The following STRIP1 variants were observed in gnomAD, a reference collection of about 807,000 sequenced individuals.
STRIP1 encodes striatin-interacting protein 1.
In STRIP1, 63 loss-of-function variants were observed where a neutral mutation model predicts 106.2. That is an observed-to-expected ratio of 0.59 (90% CI 0.48 to 0.73). The LOEUF is 0.73. Ranked by LOEUF, STRIP1 falls within the 30% of genes least tolerant of loss-of-function variation. The pLI, the probability that STRIP1 is intolerant of heterozygous loss-of-function variation, is 0.00. For synonymous variants in STRIP1, 390 were observed against 413.0 expected (o/e 0.94, Z 0.67); for missense variants, 857 against 1,074.8 (o/e 0.80, Z 2.83).
intron 10 of STRIP1, among the ~76,000 whole-genome samples, chr1:110,044,283 G>A (rs1444278399): frequency 6.6e-6 from 1 of 152,214 alleles, no homozygotes; most frequent in Non-Finnish European, 1.5e-5. Context: ...GGATGGGACG[G>A]TACCTGGAGA....
chr1:110,034,707 C>T lies in STRIP1; in HGVS notation c.70C>T (p.Pro24Ser), dbSNP rs1017945615. The T allele has an allele frequency of 4.6e-6, 7 of 1,510,708 alleles. No homozygotes were observed. In the South Asian group the frequency reaches 6.2e-5, roughly 13 times the overall value. 93.6% of individuals were successfully genotyped at this position (1,510,708 alleles called of 1,614,324 possible). A position where few individuals can be genotyped will look rare whatever the true frequency, so the allele number is the denominator to read the frequency against. ...NNKQPQPPPPPPPAAAQPPPG... is the reference protein window; with the variant it reads ...NNKQPQPPPPSPPAAAQPPPG... ...CAAACAGCCCCAGCCCCCGCCACCT[C>T]CGCCGCCGGCAGCCGCACAGCCACC... Residue 24 changes from proline (P) to serine (S), a missense_variant, in exon 1 of 21, where the codon CCG becomes TCG. Coordinates refer to ENST00000369795, the MANE Select transcript of STRIP1 (RefSeq NM_033088.4).
At chr1:110,037,104 G>A (rs1303536859) in intron 1 of STRIP1, among the ~76,000 whole-genome samples, 1 of 152,122 alleles carries the variant, frequency 6.6e-6, no homozygotes, top group Non-Finnish European at 1.5e-5. Context: ...CAAAGTGCTG[G>A]GATTATAGGC....
chr1:110,053,925 G>T lies in STRIP1; in HGVS notation c.*13G>T. On this transcript the variant is annotated 3_prime_UTR_variant, in exon 21 of 21. Transcript: ENST00000369795. ...GCTGCTGCAGTGAGGCTGTTGGTTA[G>T]GGGACTGAAATGGAGAGAAAAGATG... 1 of 1,613,770 alleles carries T rather than the reference G, an allele frequency of 6.2e-7. No individual in the cohort carries two copies. Among genetic ancestry groups the T allele is most frequent in the South Asian group, 1.1e-5 (1 of 91,032 alleles).
intron 17 of STRIP1, 110 bp from the exon 18 acceptor site, chr1:110,050,233 C>T: frequency 9.9e-7 from 1 of 1,007,624 alleles, no homozygotes; most frequent in Admixed American, 1.9e-5. Context: ...ATTCCTACTT[C>T]TGCTCCAACA....
chr1:110,046,738 C>G lies in STRIP1; in HGVS notation c.1475C>G (p.Ser492Cys). 2 of 1,612,274 alleles carry G rather than the reference C, an allele frequency of 1.2e-6. No individual in the cohort carries two copies. The highest frequency in any genetic ancestry group is 1.1e-5 in the South Asian group (1 of 91,052). The change falls in exon 13 of 21, where the codon TCC becomes TGC. Residue 492 changes from serine to cysteine, a missense_variant. By Grantham distance (112) the Ser-to-Cys change is moderately radical. Around this residue, in one of 2 missense-constraint regions of STRIP1, gnomAD observed 750 missense variants for 989.8 expected, o/e 0.76. Coordinates refer to ENST00000369795, the MANE Select transcript of STRIP1 (RefSeq NM_033088.4). The part of the protein sequence containing the change: ...QAQMEEEYLR[S>C]PLSGGEEEVE... ...CAGATGGAGGAGGAATACCTCCGCTCCCCTCTCTCAGGGGTAAGTTGGAGG... is the reference window on the plus strand; with the variant it reads ...CAGATGGAGGAGGAATACCTCCGCTGCCCTCTCTCAGGGGTAAGTTGGAGG...
chr1:110,041,525 C>G lies in STRIP1; in HGVS notation c.651-11C>G, dbSNP rs1019124130. On this transcript the variant is annotated splice_polypyrimidine_tract_variant and intron_variant, in intron 6 of 20. Coordinates refer to ENST00000369795, the MANE Select transcript of STRIP1 (RefSeq NM_033088.4). Reference sequence around the variant, plus strand: ...CATCCCACTCCATTGTGAGCTGGCTCTTGTCCTCAGGGTCCTGCTCAACAT... The same window carrying G: ...CATCCCACTCCATTGTGAGCTGGCTGTTGTCCTCAGGGTCCTGCTCAACAT... The G allele has an allele frequency of 5.0e-6, 8 of 1,610,546 alleles. No individual in the cohort carries two copies. The East Asian group carries it at 1.8e-4, about 36-fold the overall frequency.
chr1:110,046,427 G>T (rs1024676303), intron 12 of STRIP1, among the ~76,000 whole-genome samples: 5 of 152,208 alleles, frequency 3.3e-5, no homozygotes, highest in Non-Finnish European at 7.3e-5. Flanking sequence ...TTGAACCTGG[G>T]AGGCGGAGGT....
At chr1:110,040,173 GTTTTTT>G (rs767268210) in intron 5 of STRIP1, among the ~76,000 whole-genome samples, 12 of 151,644 alleles carry the variant, frequency 7.9e-5, no homozygotes, top group South Asian at 2.1e-4. Flanking sequence ...TTGTTTTTGT[GTTTTTT>G]TTGTTTTTGT....
intron 18 of STRIP1, 111 bp downstream of exon 18, chr1:110,050,520 C>T: frequency 9.7e-7 from 1 of 1,027,928 alleles, no homozygotes. Context: ...GGTGAAATCA[C>T]TGTGGAGTGC....
chr1:110,034,682 C>G lies in STRIP1; in HGVS notation c.45C>G (p.Asn15Lys). The stretch of plus-strand genomic sequence containing the variant: ...GTCCGGGCCCACTGATCGTGAACAA[C>G]AAACAGCCCCAGCCCCCGCCACCTC... Reference protein sequence around the residue: ...VGGPGPLIVNNKQPQPPPPPP... With the variant: ...VGGPGPLIVNKKQPQPPPPPP... Residue 15 changes from asparagine (N) to lysine (K), a missense_variant, in exon 1 of 21, where the codon AAC (asparagine) becomes AAG (lysine). By Grantham distance (94) the Asn-to-Lys change is moderately conservative. This residue lies in a region of STRIP1 where 107 missense variants were observed against 85.1 expected (regional missense o/e 1.26). Transcript: ENST00000369795. The G allele has an allele frequency of 6.6e-7, 1 of 1,524,148 alleles. No homozygotes were observed. Among genetic ancestry groups the G allele is most frequent in the Non-Finnish European group, 8.8e-7 (1 of 1,137,004 alleles). 94.4% of individuals were successfully genotyped at this position (1,524,148 alleles called of 1,614,324 possible). A position where few individuals can be genotyped will look rare whatever the true frequency, so the allele number is the denominator to read the frequency against.
rs748324484 is a variant in STRIP1 at position 110,041,498 on chromosome 1, C to CCG, written c.651-37_651-36insGC. On this transcript the variant is annotated intron_variant, in intron 6 of 20. Transcript: ENST00000369795. The stretch of plus-strand genomic sequence containing the variant: ...GACACTAGGGTGCTCCTTTGACCCC[C>CCG]CCATCCCACTCCATTGTGAGCTGGC... The CCG allele has an allele frequency of 3.3e-6, 5 of 1,527,712 alleles. No homozygotes were observed. In the African/African-American group the frequency reaches 6.8e-5, roughly 21 times the overall value. The allele number at this position is 1,527,712 out of a possible 1,614,324, so 94.6% of individuals were successfully genotyped here.
chr1:110,049,372 CAG>C, intron 16 of STRIP1, 86 bp from the exon 17 acceptor site: 1 of 1,541,336 alleles, frequency 6.5e-7, no homozygotes, highest in South Asian at 1.1e-5. Context: ...CATGGCCCTT[CAG>C]CCAAGGCCTT....
intron 10 of STRIP1, 90 bp from the exon 11 acceptor site, chr1:110,044,750 C>A (rs1475267077): frequency 1.6e-6 from 2 of 1,278,234 alleles, no homozygotes; most frequent in Non-Finnish European, 2.2e-6. Flanking sequence ...TTCACAGTTT[C>A]TGGATGCTGT....
intron 16 of STRIP1, 69 bp from the exon 17 acceptor site, chr1:110,049,391 C>T: frequency 1.3e-6 from 2 of 1,542,786 alleles, no homozygotes; most frequent in Non-Finnish European, 8.8e-7. Flanking sequence ...CCTTTCATCC[C>T]TGGAGGAAAG....
At chr1:110,037,579 A>G (rs946603208) in intron 1 of STRIP1, among the ~76,000 whole-genome samples, 2 of 152,226 alleles carry the variant, frequency 1.3e-5, no homozygotes, top group African/African-American at 4.8e-5. Flanking sequence ...TCATTCATTC[A>G]CTTATTCATG....
Position 110,054,536 on chromosome 1 carries a change from C to G in STRIP1, c.*624C>G, listed in dbSNP as rs565534699. On this transcript the variant is annotated 3_prime_UTR_variant, in exon 21 of 21. Transcript: ENST00000369795. Reference sequence around the variant, plus strand: ...AGGGGCCATTTTTCCTTTTGGCTTTCGAGGGCCTGTAAATATCTATATATA... The same window carrying G: ...AGGGGCCATTTTTCCTTTTGGCTTTGGAGGGCCTGTAAATATCTATATATA... 15 of 152,982 alleles carry G rather than the reference C, an allele frequency of 9.8e-5. No homozygotes were observed. The highest frequency in any genetic ancestry group is 3.6e-4 in the African/African-American group (15 of 41,504). 9.5% of individuals were successfully genotyped at this position (152,982 alleles called of 1,614,324 possible). A position where few individuals can be genotyped will look rare whatever the true frequency, so the allele number is the denominator to read the frequency against.
intron 1 of STRIP1, 42 bp from the exon 2 acceptor site, chr1:110,037,849 A>G (rs1395538070): frequency 1.5e-6 from 2 of 1,375,906 alleles, no homozygotes; most frequent in Non-Finnish European, 2.1e-6. Flanking sequence ...TTTGATAAAT[A>G]GAATGATCCT....
intron 9 of STRIP1, 123 bp downstream of exon 9, chr1:110,043,393 C>T (rs1652868064): frequency 9.2e-7 from 1 of 1,084,252 alleles, no homozygotes; most frequent in South Asian, 1.5e-5. Flanking sequence ...AGAATCATGC[C>T]TCCACAGCGA....
intron 17 of STRIP1, 30 bp from the exon 18 acceptor site, chr1:110,050,313 G>GT (rs781239548): frequency 3.9e-5 from 63 of 1,612,644 alleles, no homozygotes; most frequent in Non-Finnish European, 5.2e-5. Context: ...TTTGCTCATG[G>GT]TGGGCATCTG....
Sources: allele counts gnomAD v4.1 joint callset (sites outside exome capture counted in the v4.1 genomes callset), GRCh38; gene constraint gnomAD v4.1.1; regional missense constraint gnomAD v4.1.1; transcripts MANE v1.5; gene names NCBI Gene and HGNC (gene_info 2026-07-23, HGNC 2026-07-21).